Variants in ST7L observed in about 807,000 individuals in gnomAD.
ST7L encodes suppressor of tumorigenicity 7 protein-like.
ST7L carries 57 observed loss-of-function variants against 72.5 expected under a neutral mutation model. The ratio of observed to expected loss-of-function variants is 0.79; its 90% CI spans 0.64 to 0.98. ST7L has a LOEUF of 0.98. Among genes scored for constraint, ST7L ranks in the 50% least tolerant of loss-of-function variants. The pLI is 0.00. For missense variants in ST7L, 576 were observed against 672.2 expected (o/e 0.86, Z 1.58); for synonymous variants, 221 against 240.9 (o/e 0.92, Z 0.77).
At chr1:112,601,466 C>T (rs1667378669) in intron 3 of ST7L, among the ~76,000 whole-genome samples, 1 of 152,012 alleles carries the variant, frequency 6.6e-6, no homozygotes, top group African/African-American at 2.4e-5. Flanking sequence ...AGGATGGTCT[C>T]AATCTCCTGA....
chr1:112,576,763 T>C (rs1292675301), intron 11 of ST7L, among the ~76,000 whole-genome samples: 1 of 152,232 alleles, frequency 6.6e-6, no homozygotes, highest in African/African-American at 2.4e-5. Flanking sequence ...TCAAATTATA[T>C]TTTGATAGTA....
chr1:112,568,861 A>AATATAAATATATATAT (rs61349207), intron 11 of ST7L, among the ~76,000 whole-genome samples: 47 of 114,872 alleles, frequency 4.1e-4, no homozygotes, highest in African/African-American at 1.5e-3. Flanking sequence ...TATAAATATA[A>AATATAAATATATATAT]ATATATATAT....
At chr1:112,574,461 C>T (rs1025273154) in intron 11 of ST7L, among the ~76,000 whole-genome samples, 1 of 151,644 alleles carries the variant, frequency 6.6e-6, no homozygotes, top group Admixed American at 6.6e-5. Flanking sequence ...AGATCGAGAC[C>T]ATCCTGGCTA....
intron 3 of ST7L, among the ~76,000 whole-genome samples, chr1:112,609,087 G>A (rs1395286451): frequency 1.3e-5 from 2 of 152,140 alleles, no homozygotes; most frequent in African/African-American, 4.8e-5. Flanking sequence ...AACATTTTGG[G>A]AGACTGAGGT....
intron 11 of ST7L, among the ~76,000 whole-genome samples, chr1:112,561,820 G>A (rs910588496): frequency 2.6e-5 from 4 of 151,814 alleles, no homozygotes; most frequent in Admixed American, 6.6e-5. Context: ...TTAAAGCTGA[G>A]TTATTTCATA....
intron 11 of ST7L, among the ~76,000 whole-genome samples, chr1:112,562,610 G>A (rs536615504): frequency 6.6e-6 from 1 of 152,250 alleles, no homozygotes; most frequent in Admixed American, 6.5e-5. Context: ...AGACAATGGC[G>A]GTGAGGTATG....
chr1:112,548,313 A>G (rs1657510216), intron 13 of ST7L, among the ~76,000 whole-genome samples: 1 of 152,182 alleles, frequency 6.6e-6, no homozygotes, highest in Non-Finnish European at 1.5e-5. Context: ...AGCCGAGATC[A>G]GACCATTGCA....
In ST7L at chr1:112,542,069, TAA is replaced by T; in HGVS notation, c.1509_1510del (p.Tyr504ProfsTer31). 1 of 1,611,112 alleles carries T rather than the reference TAA, an allele frequency of 6.2e-7. No homozygotes were observed. The highest frequency in any genetic ancestry group is 8.5e-7 in the Non-Finnish European group (1 of 1,179,028). On this transcript the variant is annotated frameshift_variant, in exon 14 of 15. Coordinates refer to ENST00000358039, the MANE Select transcript of ST7L (RefSeq NM_017744.5). LOFTEE classifies it high-confidence loss of function. ...GAACAAAGGAAGCTCCTTTTTTGGG[TAA>T]ACAGAAACATGATGAAAGGCTGCAA...
chr1:112,550,510 A>T, intron 13 of ST7L, 91 bp downstream of exon 13: 1 of 953,526 alleles, frequency 1.0e-6, no homozygotes, highest in Non-Finnish European at 1.6e-6. Flanking sequence ...TCCTGAATTT[A>T]AACCAAAGGC....
intron 13 of ST7L, among the ~76,000 whole-genome samples, chr1:112,549,134 T>C (rs1484896411): frequency 6.6e-6 from 1 of 152,196 alleles, no homozygotes; most frequent in African/African-American, 2.4e-5. Flanking sequence ...GGTTCACGCC[T>C]GTAGGCCCAG....
At chr1:112,530,300 GC>G (rs1654164689) in intron 14 of ST7L, 1 of 152,114 alleles carries the variant, frequency 6.6e-6, no homozygotes, top group Non-Finnish European at 1.5e-5. Flanking sequence ...TTAGAATTTA[GC>G]CTTGGGCCTG....
chr1:112,584,262 A>G, intron 6 of ST7L, 136 bp from the exon 7 acceptor site: 3 of 884,606 alleles, frequency 3.4e-6, no homozygotes, highest in Non-Finnish European at 4.9e-6. Flanking sequence ...ACCTTCGTTC[A>G]ATATTTTACC....
chr1:112,598,032 T>A lies in ST7L; in HGVS notation c.561A>T (p.Ser187=). 2.5e-6 allele frequency: 4 copies of A among 1,613,802 alleles called. No individual in the cohort carries two copies. The highest frequency in any genetic ancestry group is 3.4e-6 in the Non-Finnish European group (4 of 1,179,910). ...EPLTYYDMNL[S]AQDHQTFFTC... The stretch of plus-strand genomic sequence containing the variant: ...TGAAAAAGGTCTGATGGTCCTGAGC[T>A]GACAGGTTCATGTCATAGTATGTAA... Residue 187 remains serine (S), a synonymous_variant, in exon 5 of 15, where the codon TCA becomes TCT. Transcript: ENST00000358039.
Position 112,525,712 on chromosome 1 carries a change from A to G in ST7L, c.*301T>C, listed in dbSNP as rs12094504. ...TCTTTCTCTTTGACCAAAGGAGCCA[A>G]AATGCGGTGACTTGACTTCAACCCC... On this transcript the variant is annotated 3_prime_UTR_variant, in exon 15 of 15. Transcript: ENST00000358039. 0.02 allele frequency: 5,019 copies of G among 246,874 alleles called. 273 individuals carry two copies. The highest frequency in any genetic ancestry group is 0.1 in the African/African-American group (4,670 of 45,282). The allele number at this position is 246,874 out of a possible 1,614,324, so 15.3% of individuals were successfully genotyped here.
Position 112,578,657 on chromosome 1 carries a change from C to G in ST7L, c.1070-240G>C, listed in dbSNP as rs539655125. 2.1e-3 allele frequency among the ~76,000 whole-genome samples: 320 copies of G among 152,204 alleles called. 1 individual carries two copies. The highest frequency in any genetic ancestry group is 3.4e-3 in the Non-Finnish European group (231 of 68,008). ...GGCATGGTGGCGCATGCCTGTAATC[C>G]CAGCTACTCAGGAGGCTGAGGCAGG... On this transcript the variant is annotated intron_variant, in intron 9 of 14. Transcript: ENST00000358039.
chr1:112,555,880 T>G lies in ST7L; in HGVS notation c.1384A>C (p.Thr462Pro). The G allele has an allele frequency of 6.4e-7, 1 of 1,574,372 alleles. No homozygotes were observed. The highest frequency in any genetic ancestry group is 8.6e-7 in the Non-Finnish European group (1 of 1,159,152). Reference sequence around the variant, plus strand: ...AAAGAATACTTACTGCCTTCCCATGTACACTGTAACAGATTAAGAGCACCT... The same window carrying G: ...AAAGAATACTTACTGCCTTCCCATGGACACTGTAACAGATTAAGAGCACCT... ...IEGALNLLQC[T>P]WEGTFRMIPY... Residue 462 changes from threonine (T) to proline (P), a missense_variant, in exon 12 of 15, where the codon ACA (threonine) becomes CCA (proline). By Grantham distance (38) the Thr-to-Pro change is conservative. Transcript: ENST00000358039.
At chr1:112,581,240 G>A (rs1311628463) in intron 9 of ST7L, among the ~76,000 whole-genome samples, 2 of 152,118 alleles carry the variant, frequency 1.3e-5, no homozygotes, top group Non-Finnish European at 2.9e-5. Flanking sequence ...AGGCTTGCTT[G>A]ACACTCCAAA....
intron 3 of ST7L, among the ~76,000 whole-genome samples, chr1:112,610,089 A>T (rs1668845732): frequency 6.6e-6 from 1 of 152,110 alleles, no homozygotes; most frequent in Non-Finnish European, 1.5e-5. Context: ...AGCCTTCCTT[A>T]TAGCTAGTAA....
chr1:112,615,887 A>G (rs567662472), intron 2 of ST7L, among the ~76,000 whole-genome samples: 3 of 152,114 alleles, frequency 2.0e-5, no homozygotes, highest in Non-Finnish European at 4.4e-5. Context: ...CTACAGGCAC[A>G]TACCACCATA....
Sources: allele counts gnomAD v4.1 joint callset (sites outside exome capture counted in the v4.1 genomes callset), GRCh38; gene constraint gnomAD v4.1.1; transcripts MANE v1.5; gene names NCBI Gene and HGNC (gene_info 2026-07-23, HGNC 2026-07-21).